Variants in SPMAP2L observed in about 807,000 individuals in gnomAD.
SPMAP2L encodes the protein sperm microtubule associated protein 2 like, also known as sperm microtubule associated protein 2-like.
chr4:56,555,097 G>A, the SPMAP2L span, among the ~76,000 whole-genome samples: 7 of 151,876 alleles, frequency 4.6e-5, no homozygotes, highest in African/African-American at 1.5e-4. Context: ...GCACCACCAC[G>A]CCTGGCTAAT....
chr4:56,621,961 C>T, the SPMAP2L span, among the ~76,000 whole-genome samples: 4,800 of 152,150 alleles, frequency 0.032, 155 homozygotes, highest in African/African-American at 0.081. Context: ...TACACCACAA[C>T]GAGTGGACCC....
chr4:56,543,920 GTGTGT>G, the SPMAP2L span, among the ~76,000 whole-genome samples: 18 of 132,492 alleles, frequency 1.4e-4, no homozygotes, highest in African/African-American at 4.9e-4. Context: ...GTGTGTGTGT[GTGTGT>G]ATGTGAGAGA....
At chr4:56,548,224 G>C in the SPMAP2L span, among the ~76,000 whole-genome samples, 2 of 131,066 alleles carry the variant, frequency 1.5e-5, no homozygotes, top group Admixed American at 7.7e-5. Context: ...GCAAGTTTGA[G>C]CGTTCTCTTT....
At chr4:56,531,947 A>G in the SPMAP2L span, among the ~76,000 whole-genome samples, 2 of 152,080 alleles carry the variant, frequency 1.3e-5, no homozygotes, top group African/African-American at 4.8e-5. Flanking sequence ...CCACCATTCC[A>G]TTGGCTCTCT....
chr4:56,597,164 G>A, the SPMAP2L span, among the ~76,000 whole-genome samples: 1 of 152,212 alleles, frequency 6.6e-6, no homozygotes, highest in Non-Finnish European at 1.5e-5. Context: ...TGGTAAGAAG[G>A]AGTCAACCAA....
chr4:56,584,635 A>G, the SPMAP2L span: 1 of 1,456,846 alleles, frequency 6.9e-7, no homozygotes, highest in Non-Finnish European at 9.3e-7. Flanking sequence ...TGTGGAAGAA[A>G]CAGTTCCTGA....
chr4:56,575,334 TG>T, the SPMAP2L span, among the ~76,000 whole-genome samples: 1 of 152,176 alleles, frequency 6.6e-6, no homozygotes, highest in African/African-American at 2.4e-5. Context: ...GAAAACTTGA[TG>T]GGTGTAACCG....
At chr4:56,541,214 G>A in the SPMAP2L span, among the ~76,000 whole-genome samples, 1 of 151,924 alleles carries the variant, frequency 6.6e-6, no homozygotes, top group Non-Finnish European at 1.5e-5. Context: ...TGAATATAAC[G>A]ACATTTAAAT....
the SPMAP2L span, among the ~76,000 whole-genome samples, chr4:56,542,554 TTCA>T: frequency 3.9e-5 from 6 of 152,154 alleles, no homozygotes; most frequent in Non-Finnish European, 7.3e-5. Context: ...TCTGTTATTC[TTCA>T]TCAATAGACC....
the SPMAP2L span, chr4:56,531,020 C>T: frequency 1.3e-6 from 2 of 1,535,334 alleles, no homozygotes; most frequent in African/African-American, 2.7e-5. Context: ...CTCCTCAAGG[C>T]CCGTGAACCC....
At chr4:56,578,310 A>T in the SPMAP2L span, among the ~76,000 whole-genome samples, 2 of 152,188 alleles carry the variant, frequency 1.3e-5, no homozygotes, top group African/African-American at 4.8e-5. Context: ...GATTGTTGTA[A>T]GATGTACAGA....
At chr4:56,601,023 C>T in the SPMAP2L span, 10 of 1,535,306 alleles carry the variant, frequency 6.5e-6, no homozygotes, top group East Asian at 2.4e-5. Context: ...ATCTACCTGA[C>T]CGTGATGCCC....
At chr4:56,606,833 A>C in the SPMAP2L span, among the ~76,000 whole-genome samples, 1 of 152,162 alleles carries the variant, frequency 6.6e-6, no homozygotes, top group Non-Finnish European at 1.5e-5. Context: ...TGGCTTTTGA[A>C]GTAATAGTTC....
the SPMAP2L span, among the ~76,000 whole-genome samples, chr4:56,553,675 T>TGAGCCA: frequency 0.011 from 1,716 of 152,194 alleles, 18 homozygotes; most frequent in Non-Finnish European, 0.018. Context: ...CCAATATTGA[T>TGAGCCA]ATATTTTTAC....
chr4:56,601,011 T>C, the SPMAP2L span: 1 of 1,535,448 alleles, frequency 6.5e-7, no homozygotes, highest in East Asian at 2.4e-5. Flanking sequence ...TTCATCAAGA[T>C]TATCTACCTG....
chr4:56,532,207 C>T, the SPMAP2L span, among the ~76,000 whole-genome samples: 2 of 150,324 alleles, frequency 1.3e-5, no homozygotes, highest in South Asian at 2.2e-4. Context: ...AACTTCACAC[C>T]TTTGACCCCC....
chr4:56,537,410 A>G, the SPMAP2L span, among the ~76,000 whole-genome samples: 6 of 152,160 alleles, frequency 3.9e-5, no homozygotes, highest in African/African-American at 1.2e-4. Context: ...CTCCATTTGC[A>G]TGTATCATAT....
the SPMAP2L span, among the ~76,000 whole-genome samples, chr4:56,549,080 C>A: frequency 1.3e-5 from 2 of 151,542 alleles, no homozygotes; most frequent in Non-Finnish European, 2.9e-5. Flanking sequence ...CCTCTGCCTC[C>A]CGGGTTCAAG....
At chr4:56,605,364 G>C in the SPMAP2L span, among the ~76,000 whole-genome samples, 2 of 152,152 alleles carry the variant, frequency 1.3e-5, no homozygotes, top group Admixed American at 6.5e-5. Context: ...TATTGGGAGA[G>C]ATGATTTCAT....
Sources: gnomAD v4.1 joint callset for allele counts (sites outside exome capture counted in the v4.1 genomes callset) on GRCh38, gnomAD v4.1.1 for gene constraint, MANE v1.5 for transcripts, NCBI Gene and HGNC (gene_info 2026-07-23, HGNC 2026-07-21) for gene names.